Variants in MDFIC2 observed in about 807,000 individuals in gnomAD.
The protein encoded by MDFIC2 is myoD family inhibitor domain-containing protein 2.
At chr3:70,271,341 T>C (rs566390719) in intron 2 of MDFIC2, among the ~76,000 whole-genome samples, 1 of 152,256 alleles carries the variant, frequency 6.6e-6, no homozygotes, top group South Asian at 2.1e-4. Context: ...ATAAACTGTG[T>C]TGTGGCTACT....
intron 2 of MDFIC2, among the ~76,000 whole-genome samples, chr3:70,254,187 CATT>C (rs1701794542): frequency 1.3e-5 from 2 of 152,064 alleles, no homozygotes; most frequent in South Asian, 4.1e-4. Context: ...AATGATAAAA[CATT>C]AGTGTCAATT....
At chr3:70,197,352 A>C (rs566211955) in intron 3 of MDFIC2, among the ~76,000 whole-genome samples, 167 bp from the exon 4 acceptor site, 1 of 152,196 alleles carries the variant, frequency 6.6e-6, no homozygotes, top group Non-Finnish European at 1.5e-5. Flanking sequence ...CCCCCATGTC[A>C]GTACTCACTC....
chr3:70,211,510 C>CTTCCT (rs757682350), intron 2 of MDFIC2, among the ~76,000 whole-genome samples: 2 of 9,044 alleles, frequency 2.2e-4, no homozygotes, highest in Non-Finnish European at 3.8e-4. Flanking sequence ...TCCCTTTGCC[C>CTTCCT]TTCCCTTCCC....
intron 1 of MDFIC2, among the ~76,000 whole-genome samples, chr3:70,312,327 C>T (rs1195685335): frequency 6.6e-6 from 1 of 152,142 alleles, no homozygotes; most frequent in Admixed American, 6.6e-5. Flanking sequence ...TATAGAAAAG[C>T]ATGCTGCAAA....
At position 70,210,884 on chromosome 3, in the gene MDFIC2, GT is replaced by G. The variant is rs1216594594; in HGVS notation, c.89-4095del. The stretch of plus-strand genomic sequence containing the variant: ...AGAGAAAAGATAGACAGCTAGTTAA[GT>G]TTTTATTACTGTTGAGCAAATGTTA... On this transcript the variant is annotated intron_variant, in intron 2 of 3. Transcript: ENST00000567252. Among the ~76,000 whole-genome samples the G allele has an allele frequency of 2.0e-5, 3 of 152,006 alleles. No individual in the cohort carries two copies. In the East Asian group the frequency reaches 5.8e-4, roughly 29 times the overall value.
At chr3:70,261,846 C>T (rs531161518) in intron 2 of MDFIC2, among the ~76,000 whole-genome samples, 2 of 152,088 alleles carry the variant, frequency 1.3e-5, no homozygotes, top group Non-Finnish European at 2.9e-5. Context: ...CCTGAATGCC[C>T]GAACCCTTTT....
At chr3:70,237,977 A>ATTTTTTTTTTT (rs1251005797) in intron 2 of MDFIC2, among the ~76,000 whole-genome samples, 84 of 12,928 alleles carry the variant, frequency 6.5e-3, no homozygotes, top group Non-Finnish European at 9.2e-3. Flanking sequence ...ATTGAGTGGT[A>ATTTTTTTTTTT]TCTTTTTTTT....
intron 2 of MDFIC2, among the ~76,000 whole-genome samples, chr3:70,234,639 C>CAA (rs34609524): frequency 3.4e-5 from 4 of 118,916 alleles, no homozygotes; most frequent in Admixed American, 2.6e-4. Context: ...GACCCTGGCT[C>CAA]AAAAAAAAAA....
At chr3:70,259,160 G>T (rs6783968) in intron 2 of MDFIC2, among the ~76,000 whole-genome samples, 126,482 of 152,002 alleles carry the variant, frequency 0.83, 53,030 homozygotes, top group Non-Finnish European at 0.89. Context: ...TTTCATATGT[G>T]GTCCTTTTTC....
At chr3:70,215,093 A>G (rs1405603059) in intron 2 of MDFIC2, among the ~76,000 whole-genome samples, 2 of 152,172 alleles carry the variant, frequency 1.3e-5, no homozygotes, top group Admixed American at 1.3e-4. Context: ...TGTTAAAACC[A>G]TCACAATTTA....
At chr3:70,241,789 A>C (rs2106641995) in intron 2 of MDFIC2, among the ~76,000 whole-genome samples, 1 of 152,304 alleles carries the variant, frequency 6.6e-6, no homozygotes, top group African/African-American at 2.4e-5. Context: ...TTAATGTTGA[A>C]AATATTATAC....
Position 70,196,405 on chromosome 3 carries a change from G to A in MDFIC2, c.*521C>T, listed in dbSNP as rs1460508026. Among the ~76,000 whole-genome samples, 3 of 152,038 alleles carry A rather than the reference G, an allele frequency of 2.0e-5. No homozygotes were observed. Among genetic ancestry groups the A allele is most frequent in the African/African-American group, 7.2e-5 (3 of 41,394 alleles). On this transcript the variant is annotated 3_prime_UTR_variant, in exon 4 of 4. Coordinates refer to ENST00000567252, the MANE Select transcript of MDFIC2 (RefSeq NM_001364677.1). Reference sequence around the variant, plus strand: ...TTTCCTACCTAAACTGTACATATAAGTGAATTTTAAGAGACTGTATAAATA... The same window carrying A: ...TTTCCTACCTAAACTGTACATATAAATGAATTTTAAGAGACTGTATAAATA...
Position 70,277,982 on chromosome 3 carries a change from G to A in MDFIC2, c.88+33904C>T, listed in dbSNP as rs75646981. Among the ~76,000 whole-genome samples, 683 of 152,082 alleles carry A rather than the reference G, an allele frequency of 4.5e-3. 1 individual carries two copies. The highest frequency in any genetic ancestry group is 0.01 in the Middle Eastern group (3 of 294). On this transcript the variant is annotated intron_variant, in intron 2 of 3. Coordinates refer to ENST00000567252, the MANE Select transcript of MDFIC2 (RefSeq NM_001364677.1). ...AGCTACAACTTACATAAAATAAAGC[G>A]CGCAAATCTTAAGTATATACATTGA...
chr3:70,235,114 T>C (rs1311601496), intron 2 of MDFIC2, among the ~76,000 whole-genome samples: 1 of 152,148 alleles, frequency 6.6e-6, no homozygotes, highest in African/African-American at 2.4e-5. Flanking sequence ...TTCCAACCTC[T>C]ATTGGAGAAG....
intron 2 of MDFIC2, chr3:70,291,375 CTGT>C (rs1468651480): frequency 6.6e-6 from 1 of 152,058 alleles, no homozygotes; most frequent in Non-Finnish European, 1.5e-5. Flanking sequence ...TATATGAATA[CTGT>C]TATCATTACG....
At chr3:70,219,899 G>A (rs1701447028) in intron 2 of MDFIC2, among the ~76,000 whole-genome samples, 1 of 152,082 alleles carries the variant, frequency 6.6e-6, no homozygotes, top group African/African-American at 2.4e-5. Context: ...AACCATCTAA[G>A]CATAAGCGTT....
intron 2 of MDFIC2, among the ~76,000 whole-genome samples, chr3:70,225,553 A>G (rs773749828): frequency 6.6e-5 from 10 of 152,196 alleles, no homozygotes; most frequent in Non-Finnish European, 1.0e-4. Context: ...GTCAGTGTAT[A>G]CTGTTTATAT....
chr3:70,239,529 GA>G (rs36058392), intron 2 of MDFIC2, among the ~76,000 whole-genome samples: 49,605 of 151,968 alleles, frequency 0.33, 10,515 homozygotes, highest in Non-Finnish European at 0.47. Context: ...ACTTTCTAGG[GA>G]GTACATTACT....
intron 2 of MDFIC2, among the ~76,000 whole-genome samples, chr3:70,253,727 A>C (rs773386582): frequency 5.9e-5 from 9 of 152,354 alleles, no homozygotes; most frequent in Non-Finnish European, 1.2e-4. Context: ...CAACTCTAAA[A>C]AAAGTAAAAA....
Sources: gnomAD v4.1 joint callset for allele counts (sites outside exome capture counted in the v4.1 genomes callset) on GRCh38, gnomAD v4.1.1 for gene constraint, MANE v1.5 for transcripts, NCBI Gene and HGNC (gene_info 2026-07-23, HGNC 2026-07-21) for gene names.